The following AKAP10 variants were observed in gnomAD, a reference collection of about 807,000 sequenced individuals.
AKAP10 encodes the protein A-kinase anchoring protein 10.
A neutral mutation model predicts 80.8 loss-of-function variants in AKAP10; 24 were observed. The ratio of observed to expected loss-of-function variants is 0.30; its 90% confidence interval spans 0.22 to 0.42. The LOEUF (loss-of-function observed/expected upper bound fraction) is 0.42. Ranked by LOEUF, AKAP10 falls within the 10% of genes least tolerant of loss-of-function variation. The pLI, the probability that AKAP10 is intolerant of heterozygous loss-of-function variation, is 1.00. For synonymous variants in AKAP10, 291 were observed against 277.7 expected, an observed-to-expected ratio of 1.05 and a Z score of -0.48; for missense variants, 661 against 794.9, an observed-to-expected ratio of 0.83 and a Z score of 2.03.
At chr17:19,962,321 C>CACAT (rs963808131) in intron 3 of AKAP10, among the ~76,000 whole-genome samples, 5 of 148,150 alleles carry the variant, frequency 3.4e-5, no homozygotes, top group African/African-American at 5.1e-5. Flanking sequence ...CACACACACA[C>CACAT]ACATACACAC....
rs879361600 is a variant in AKAP10, at chr17:19,904,779, T to C, written c.*1448A>G. On this transcript the variant is annotated 3_prime_UTR_variant, in exon 15 of 15. Coordinates refer to ENST00000225737, the MANE Select transcript of AKAP10 (RefSeq NM_007202.4). Reference sequence around the variant, plus strand: ...GACACAATTTTAAATAGAATTCATATATATATATTTTAAAATCAAACACAA... The same window carrying C: ...GACACAATTTTAAATAGAATTCATACATATATATTTTAAAATCAAACACAA... 2.0e-5 allele frequency: 3 copies of C among 152,088 alleles called. No individual in the cohort carries two copies. The highest frequency in any genetic ancestry group is 6.5e-5 in the Admixed American group (1 of 15,268). The allele number at this position is 152,088 out of a possible 1,614,324, so 9.4% of individuals were successfully genotyped here. A position where few individuals can be genotyped will look rare whatever the true frequency, so the allele number is the denominator to read the frequency against.
chr17:19,969,538 G>GT lies in AKAP10; in HGVS notation c.89-1078dup, dbSNP rs200746620. 3.5e-3 allele frequency among the ~76,000 whole-genome samples: 496 copies of GT among 143,134 alleles called. 1 individual carries two copies. The highest frequency in any genetic ancestry group is 0.015 in the Middle Eastern group (4 of 274). The allele number at this position is 143,134 out of a possible 152,430, so 93.9% of individuals were successfully genotyped here. On this transcript the variant is annotated intron_variant, in intron 1 of 14. Coordinates refer to ENST00000225737, the MANE Select transcript of AKAP10 (RefSeq NM_007202.4). ...AGACTATTTTTAACCCTCTTTTCTT[G>GT]TTTTTTTTTTTCAACATTAAAAAAT...
chr17:19,921,922 A>C (rs543572636), intron 11 of AKAP10, among the ~76,000 whole-genome samples: 1 of 152,196 alleles, frequency 6.6e-6, no homozygotes, highest in Admixed American at 6.5e-5. Flanking sequence ...GTCTGTATAG[A>C]TGAACATAGG....
rs1320956689 is a variant in AKAP10, at chr17:19,936,411, T to C, written c.1342A>G (p.Thr448Ala). The C allele has an allele frequency of 6.2e-7, 1 of 1,611,258 alleles. No homozygotes were observed. The highest frequency in any genetic ancestry group is 1.3e-5 in the African/African-American group (1 of 74,870). The change falls in exon 9 of 15, where the codon ACA (threonine) becomes GCA (alanine). Residue 448 changes from threonine to alanine, a missense_variant. Thr to Ala is a moderately conservative substitution (Grantham distance 58). Transcript: ENST00000225737. ...LYDKYFSLQA[T>A]HPLGFDDVVR... ...ACATCATCAAATCCAAGAGGATGTGTGGCTTGGAGGGAGAAGTACCTATGG... is the reference window on the plus strand; with the variant it reads ...ACATCATCAAATCCAAGAGGATGTGCGGCTTGGAGGGAGAAGTACCTATGG...
intron 4 of AKAP10, among the ~76,000 whole-genome samples, chr17:19,952,065 A>G (rs927137860): frequency 2.0e-5 from 3 of 151,462 alleles, no homozygotes; most frequent in African/African-American, 4.8e-5. Flanking sequence ...CATTATAAAT[A>G]CCCCAGTGCA....
intron 3 of AKAP10, among the ~76,000 whole-genome samples, chr17:19,960,286 C>A (rs1259123424): frequency 6.6e-6 from 1 of 152,188 alleles, no homozygotes; most frequent in African/African-American, 2.4e-5. Flanking sequence ...GCATCCACTG[C>A]CAAGATACAA....
chr17:19,933,044 T>C (rs1055920672), intron 9 of AKAP10, among the ~76,000 whole-genome samples: 1 of 152,124 alleles, frequency 6.6e-6, no homozygotes, highest in Non-Finnish European at 1.5e-5. Flanking sequence ...TTGAGACGTA[T>C]TTTCGCTTTT....
At chr17:19,950,661 A>G (rs1346537214) in intron 4 of AKAP10, among the ~76,000 whole-genome samples, 1 of 151,696 alleles carries the variant, frequency 6.6e-6, no homozygotes, top group Non-Finnish European at 1.5e-5. Context: ...GCTCCCTACA[A>G]CCTCCACTTC....
rs80009751 is a variant in AKAP10 at position 19,964,087 on chromosome 17, T to C, written c.137-1065A>G. On this transcript the variant is annotated intron_variant, in intron 2 of 14. Coordinates refer to ENST00000225737, the MANE Select transcript of AKAP10 (RefSeq NM_007202.4). ...CTATTTTTTCAATGTTAAAAGAAGGTTTATTTTTATTTTCATGAGAAATTG... is the reference window on the plus strand; with the variant it reads ...CTATTTTTTCAATGTTAAAAGAAGGCTTATTTTTATTTTCATGAGAAATTG... 2.7e-3 allele frequency among the ~76,000 whole-genome samples: 407 copies of C among 152,298 alleles called. 15 individuals carry two copies. In the East Asian group the frequency reaches 0.074, roughly 28 times the overall value.
intron 9 of AKAP10, among the ~76,000 whole-genome samples, chr17:19,934,150 A>C (rs2042967606): frequency 6.6e-6 from 1 of 151,964 alleles, no homozygotes; most frequent in Non-Finnish European, 1.5e-5. Flanking sequence ...CAAACTCCTG[A>C]CCTCAGGTGA....
intron 4 of AKAP10, among the ~76,000 whole-genome samples, chr17:19,954,651 A>ATTTTTT (rs575010093): frequency 7.1e-6 from 1 of 140,098 alleles, no homozygotes; most frequent in African/African-American, 2.6e-5. Context: ...CGCCCGGCTA[A>ATTTTTT]TTTTTTTTTT....
At chr17:19,968,281 C>A in intron 2 of AKAP10, 133 bp downstream of exon 2, 20 of 513,844 alleles carry the variant, frequency 3.9e-5, no homozygotes, top group Non-Finnish European at 5.3e-5. Flanking sequence ...GGAAATAAAT[C>A]AAAATCATAA....
At chr17:19,955,762 G>A (rs866187261) in intron 4 of AKAP10, among the ~76,000 whole-genome samples, 58 of 152,162 alleles carry the variant, frequency 3.8e-4, no homozygotes, top group African/African-American at 1.4e-3. Context: ...TTGAACCCGG[G>A]AGGTGGAGGT....
At chr17:19,914,334 G>C (rs1567751231) in intron 12 of AKAP10, among the ~76,000 whole-genome samples, 1 of 152,118 alleles carries the variant, frequency 6.6e-6, no homozygotes, top group African/African-American at 2.4e-5. Flanking sequence ...GTAAATAAAT[G>C]AACAAGATAA....
chr17:19,967,318 T>A (rs1426500994), intron 2 of AKAP10, among the ~76,000 whole-genome samples: 1 of 152,168 alleles, frequency 6.6e-6, no homozygotes, highest in Non-Finnish European at 1.5e-5. Flanking sequence ...AAACAAAATA[T>A]ATTTTAAATT....
At chr17:19,957,404 T>G (rs2043290513) in intron 4 of AKAP10, among the ~76,000 whole-genome samples, 5 of 151,704 alleles carry the variant, frequency 3.3e-5, no homozygotes. Flanking sequence ...TAGCCGGGTG[T>G]GGTGGCAGGC....
In AKAP10 at chr17:19,968,429, C is replaced by A. The variant is rs2043451098; in HGVS notation, c.121G>T (p.Val41Leu). The A allele has an allele frequency of 6.2e-7, 1 of 1,613,624 alleles. No individual in the cohort carries two copies. Reference sequence around the variant, plus strand: ...CAGAACTTACCTTTAATGGACTTCACATCTGAGGTCTTCTCTTGTTCTTTG... The same window carrying A: ...CAGAACTTACCTTTAATGGACTTCAAATCTGAGGTCTTCTCTTGTTCTTTG... ...KGKEQEKTSDVKSIKASISVH... is the reference protein window; with the variant it reads ...KGKEQEKTSDLKSIKASISVH... The change falls in exon 2 of 15, where the codon GTG becomes TTG. Residue 41 changes from valine to leucine, a missense_variant. By Grantham distance (32) the Val-to-Leu change is conservative (BLOSUM62 1). Transcript: ENST00000225737.
intron 1 of AKAP10, among the ~76,000 whole-genome samples, chr17:19,974,847 T>G (rs555928134): frequency 6.6e-6 from 1 of 152,006 alleles, no homozygotes. Context: ...ATTTATTTTT[T>G]CTTTTTGTAG....
At chr17:19,928,739 G>A (rs963922479) in intron 10 of AKAP10, among the ~76,000 whole-genome samples, 6 of 151,972 alleles carry the variant, frequency 3.9e-5, no homozygotes, top group Non-Finnish European at 5.9e-5. Context: ...GCGTGGTGGT[G>A]CGTGCCTATA....
Sources: gnomAD v4.1 joint callset for allele counts (sites outside exome capture counted in the v4.1 genomes callset) on GRCh38, gnomAD v4.1.1 for gene constraint, MANE v1.5 for transcripts, NCBI Gene and HGNC (gene_info 2026-07-23, HGNC 2026-07-21) for gene names.